DNAH9: variants seen among roughly 807,000 people sequenced by gnomAD.
DNAH9 encodes dynein axonemal heavy chain 9.
A neutral mutation model predicts 471.6 loss-of-function variants in DNAH9; 345 were observed. That is an observed-to-expected ratio of 0.73 (90% CI 0.67 to 0.80). The LOEUF is 0.80. Ranked by LOEUF, DNAH9 falls within the 30% of genes least tolerant of loss-of-function variation. The probability of loss-of-function intolerance (pLI) is 0.00; values close to 1 mark genes in which losing one functional copy is unlikely to be tolerated. For missense variants in DNAH9, 5,407 were observed against 5,609.2 expected, an observed-to-expected ratio of 0.96 and a Z score of 1.15; for synonymous variants, 2,093 against 2,123.6, an observed-to-expected ratio of 0.99 and a Z score of 0.40.
intron 6 of DNAH9, among the ~76,000 whole-genome samples, chr17:11,620,575 A>G (rs1309633860): frequency 6.6e-6 from 1 of 152,076 alleles, no homozygotes; most frequent in Non-Finnish European, 1.5e-5. Flanking sequence ...ATCACATCAC[A>G]TAATAGTGGT....
intron 5 of DNAH9, 120 bp from the exon 6 acceptor site, chr17:11,619,428 T>C (rs2072808909): frequency 1.4e-6 from 1 of 697,776 alleles, no homozygotes; most frequent in Admixed American, 2.3e-5. Flanking sequence ...CGAGGTCAGA[T>C]GTTTCCTCTA....
chr17:11,694,628 T>TGC lies in DNAH9; in HGVS notation c.4872+181_4872+182insGC, dbSNP rs879447481. Reference sequence around the variant, plus strand: ...TTTCTTGCTTTCTTGCTTTCTTGCTTTCTTGCTTTCTTGCTTTCTCGCTTT... The same window carrying TGC: ...TTTCTTGCTTTCTTGCTTTCTTGCTTGCTCTTGCTTTCTTGCTTTCTCGCTTT... On this transcript the variant is annotated intron_variant, in intron 22 of 68. Transcript: ENST00000262442. 7.1e-3 allele frequency among the ~76,000 whole-genome samples: 53 copies of TGC among 7,464 alleles called. 4 individuals are homozygous for TGC. The highest frequency in any genetic ancestry group is 0.024 in the Admixed American group (10 of 422). The allele number at this position is 7,464 out of a possible 152,430, so 4.9% of individuals were successfully genotyped here. A position where few individuals can be genotyped will look rare whatever the true frequency, so the allele number is the denominator to read the frequency against.
In DNAH9 at chr17:11,693,920, A is replaced by T. The variant is rs372509153; in HGVS notation, c.4667A>T (p.Asp1556Val). ...IDIDFKELAY[D>V]AQKIPNVVQT... Reference sequence around the variant, plus strand: ...ATTGACTTTAAAGAGCTAGCTTATGATGCCCAGAAAATTCCAAATGTAGTG... The same window carrying T: ...ATTGACTTTAAAGAGCTAGCTTATGTTGCCCAGAAAATTCCAAATGTAGTG... The change falls in exon 21 of 69, where the codon GAT becomes GTT. Residue 1556 changes from aspartate to valine, a missense_variant. Asp to Val is a radical substitution (Grantham distance 152). Around this residue, in one of 3 missense-constraint regions of DNAH9, gnomAD observed 4,636 missense variants for 4,900.3 expected, o/e 0.95. Coordinates refer to ENST00000262442, the MANE Select transcript of DNAH9 (RefSeq NM_001372.4). 9.2e-5 allele frequency: 148 copies of T among 1,614,020 alleles called. 1 individual carries two copies. The Middle Eastern group carries it at 1.5e-3, about 16-fold the overall frequency.
At chr17:11,782,130 C>T (rs901414013) in intron 39 of DNAH9, among the ~76,000 whole-genome samples, 2 of 152,128 alleles carry the variant, frequency 1.3e-5, no homozygotes, top group African/African-American at 4.8e-5. Flanking sequence ...CTTGAGTTGC[C>T]TTCTCTTCCT....
chr17:11,778,483 G>A (rs1968548422), intron 38 of DNAH9, among the ~76,000 whole-genome samples: 1 of 151,986 alleles, frequency 6.6e-6, no homozygotes, highest in South Asian at 2.1e-4. Flanking sequence ...TGCTCCAAGT[G>A]AGACAGGATG....
At chr17:11,685,519 G>T (rs2074226370) in intron 19 of DNAH9, among the ~76,000 whole-genome samples, 1 of 152,182 alleles carries the variant, frequency 6.6e-6, no homozygotes, top group African/African-American at 2.4e-5. Context: ...AAAACCAGGT[G>T]CTCAATGGGA....
chr17:11,923,051 C>CT (rs61226440), intron 61 of DNAH9, among the ~76,000 whole-genome samples: 112,883 of 149,690 alleles, frequency 0.75, 43,184 homozygotes, highest in South Asian at 0.85. Flanking sequence ...ACAAGTGCTT[C>CT]TTTTTTTTTT....
At chr17:11,903,750 A>G (rs951838040) in intron 60 of DNAH9, among the ~76,000 whole-genome samples, 1 of 152,242 alleles carries the variant, frequency 6.6e-6, no homozygotes, top group African/African-American at 2.4e-5. Context: ...TCCTACTAAA[A>G]ATACAGAAAA....
intron 22 of DNAH9, among the ~76,000 whole-genome samples, chr17:11,697,110 G>T (rs963945603): frequency 2.6e-5 from 4 of 152,128 alleles, no homozygotes; most frequent in Non-Finnish European, 4.4e-5. Context: ...TCCCGTCTTG[G>T]CCTCCCACAG....
chr17:11,924,670 C>T (rs1012175499), intron 62 of DNAH9, among the ~76,000 whole-genome samples: 1 of 122,698 alleles, frequency 8.2e-6, no homozygotes, highest in African/African-American at 3.2e-5. Context: ...GTCGCCTAGG[C>T]TGGAGTGCAA....
At chr17:11,734,004 G>A (rs1338153796) in intron 28 of DNAH9, among the ~76,000 whole-genome samples, 2 of 152,166 alleles carry the variant, frequency 1.3e-5, no homozygotes, top group Non-Finnish European at 2.9e-5. Flanking sequence ...GGCAATTGTG[G>A]GCCATGAAAC....
intron 49 of DNAH9, among the ~76,000 whole-genome samples, chr17:11,843,859 G>GTATATA (rs1490566898): frequency 0.029 from 1,375 of 46,796 alleles, 30 homozygotes; most frequent in African/African-American, 0.06. Context: ...GTGTGTGTGT[G>GTATATA]TGTGTATATA....
chr17:11,734,388 G>A (rs1258034251), intron 28 of DNAH9, among the ~76,000 whole-genome samples: 1 of 152,342 alleles, frequency 6.6e-6, no homozygotes, highest in African/African-American at 2.4e-5. Context: ...TTTAATTCCT[G>A]CGGAATAGGA....
Position 11,822,548 on chromosome 17 carries a change from A to G in DNAH9, c.8961A>G (p.Gln2987=). 6.2e-7 allele frequency: 1 copy of G among 1,614,220 alleles called. No individual in the cohort carries two copies. Among genetic ancestry groups the G allele is most frequent in the Non-Finnish European group, 8.5e-7 (1 of 1,180,044 alleles). ...ACTGGTTCCACGAGTGGCCTCAGCA[A>G]GCATTGGAGTCTGTCAGCCTCCGCT... ...AIHWFHEWPQ[Q]ALESVSLRFL... The change falls in exon 47 of 69, where the codon CAA becomes CAG. Residue 2987 remains glutamine, a synonymous_variant. Coordinates refer to ENST00000262442, the MANE Select transcript of DNAH9 (RefSeq NM_001372.4).
At chr17:11,844,088 TAAAG>T (rs956827404) in intron 49 of DNAH9, among the ~76,000 whole-genome samples, 15 of 151,152 alleles carry the variant, frequency 9.9e-5, no homozygotes, top group African/African-American at 2.4e-4. Context: ...TTAAGAATAA[TAAAG>T]AAATAAAACT....
rs1324732195 is a variant in DNAH9 at position 11,969,609 on chromosome 17, GA to G, written c.*83del. On this transcript the variant is annotated 3_prime_UTR_variant, in exon 69 of 69. Transcript: ENST00000262442. ...GACAGGTGGGTGAAGGGTCACCACA[GA>G]CACTTAGAACGGTAAGAAACCATGA... 1.8e-6 allele frequency: 2 copies of G among 1,134,900 alleles called. No homozygotes were observed. The highest frequency in any genetic ancestry group is 2.5e-6 in the Non-Finnish European group (2 of 814,490). 70.3% of individuals were successfully genotyped at this position (1,134,900 alleles called of 1,614,324 possible).
chr17:11,729,675 T>G (rs1597556215), intron 28 of DNAH9, among the ~76,000 whole-genome samples: 1 of 148,776 alleles, frequency 6.7e-6, no homozygotes, highest in Non-Finnish European at 1.5e-5. Context: ...AGAAGGGGGG[T>G]GGGAGGAAAC....
rs557969856 is a variant in DNAH9 at position 11,765,197 on chromosome 17, A to C, written c.7170+1583A>C. Among the ~76,000 whole-genome samples the C allele has an allele frequency of 3.3e-5, 5 of 152,338 alleles. No homozygotes were observed. In the East Asian group the frequency reaches 9.7e-4, roughly 29 times the overall value. ...TGAATACATGCAAGGTACTTAGCAC[A>C]ACCCATGGGTGCTTATTATTACTAT... On this transcript the variant is annotated intron_variant, in intron 36 of 68. Transcript: ENST00000262442.
At chr17:11,632,148 A>G (rs9890307) in intron 7 of DNAH9, among the ~76,000 whole-genome samples, 1 of 152,202 alleles carries the variant, frequency 6.6e-6, no homozygotes, top group Non-Finnish European at 1.5e-5. Flanking sequence ...TTTCCTCCTA[A>G]TGGCTAGATT....
Sources: gnomAD v4.1 joint callset for allele counts (sites outside exome capture counted in the v4.1 genomes callset) on GRCh38, gnomAD v4.1.1 for gene constraint, gnomAD v4.1.1 regional missense constraint, MANE v1.5 for transcripts, NCBI Gene and HGNC (gene_info 2026-07-23, HGNC 2026-07-21) for gene names.